KCNC2: variants seen among roughly 807,000 people sequenced by gnomAD.
The protein encoded by KCNC2 is potassium voltage-gated channel subfamily C member 2, also known as voltage-gated potassium channel KCNC2.
Under a neutral mutation model 44.5 loss-of-function variants are expected in KCNC2, and 21 were observed. That is an observed-to-expected ratio of 0.47 (90% CI 0.33 to 0.68). KCNC2 has a LOEUF of 0.68. Among genes scored for constraint, KCNC2 ranks in the 30% least tolerant of loss-of-function variants. The pLI is 0.01. For missense variants in KCNC2, 589 were observed against 826.2 expected (o/e 0.71, Z 3.52); for synonymous variants, 391 against 339.1 (o/e 1.15, Z -1.68).
At chr12:75,100,546 T>G (rs1419251480) in intron 2 of KCNC2, among the ~76,000 whole-genome samples, 5 of 143,730 alleles carry the variant, frequency 3.5e-5, no homozygotes, top group Non-Finnish European at 6.0e-5. Flanking sequence ...ATCTTAAAAT[T>G]TTATAAACCT....
intron 2 of KCNC2, chr12:75,140,310 A>AGTCCAGG (rs773830930): frequency 7.2e-5 from 11 of 152,164 alleles, no homozygotes; most frequent in African/African-American, 2.7e-4. Context: ...CCAAAAAAAA[A>AGTCCAGG]ATCATTAGAC....
chr12:75,174,096 GATTTA>G (rs1374304522), intron 2 of KCNC2, among the ~76,000 whole-genome samples: 7 of 149,614 alleles, frequency 4.7e-5, no homozygotes, highest in African/African-American at 1.7e-4. Context: ...TATGAATTTT[GATTTA>G]ATTTAAGTTA....
At position 75,068,048 on chromosome 12, in the gene KCNC2, G is replaced by C. The variant is rs181778214; in HGVS notation, c.688-16731C>G. The stretch of plus-strand genomic sequence containing the variant: ...TCCAGGGAAGGAAACATTTGTAAAA[G>C]GTACAGTGTTGTAAAAGACTCTAAT... On this transcript the variant is annotated intron_variant, in intron 2 of 4. Transcript: ENST00000549446. Among the ~76,000 whole-genome samples the C allele has an allele frequency of 5.6e-3, 858 of 152,230 alleles. 22 individuals are homozygous for C. The highest frequency in any genetic ancestry group is 2.1e-3 in the South Asian group (10 of 4,816).
Position 75,041,672 on chromosome 12 carries a change from G to A in KCNC2, c.*1433C>T. On this transcript the variant is annotated 3_prime_UTR_variant, in exon 5 of 5. Transcript: ENST00000549446. ...TCCCTAAGGATTTTGTTGGAGTGTAGTAATGAATGCTGGTTGCTAGGTAGT... is the reference window on the plus strand; with the variant it reads ...TCCCTAAGGATTTTGTTGGAGTGTAATAATGAATGCTGGTTGCTAGGTAGT... 1.0e-6 allele frequency: 1 copy of A among 1,004,334 alleles called. No homozygotes were observed. Among genetic ancestry groups the A allele is most frequent in the Non-Finnish European group, 1.2e-6 (1 of 840,412 alleles). The allele number at this position is 1,004,334 out of a possible 1,614,324, so 62.2% of individuals were successfully genotyped here.
chr12:75,137,988 CA>C (rs1008724810), intron 2 of KCNC2, among the ~76,000 whole-genome samples: 3 of 152,128 alleles, frequency 2.0e-5, no homozygotes, highest in African/African-American at 7.2e-5. Flanking sequence ...TCTGAAAGCC[CA>C]CCATGGGAAT....
intron 2 of KCNC2, among the ~76,000 whole-genome samples, chr12:75,133,766 T>C (rs1190570761): frequency 6.6e-6 from 1 of 152,008 alleles, no homozygotes; most frequent in Non-Finnish European, 1.5e-5. Context: ...TGTAATTCAT[T>C]CTTTGATGAG....
At chr12:75,191,184 G>T (rs2030172766) in intron 2 of KCNC2, among the ~76,000 whole-genome samples, 1 of 151,670 alleles carries the variant, frequency 6.6e-6, no homozygotes, top group Non-Finnish European at 1.5e-5. Context: ...TACTTTTTGA[G>T]ATCTAAAACC....
chr12:75,108,369 G>A (rs1022332412), intron 2 of KCNC2, among the ~76,000 whole-genome samples: 2 of 152,100 alleles, frequency 1.3e-5, no homozygotes, highest in Admixed American at 1.3e-4. Context: ...TGTAGGCAAG[G>A]GGTCTGCAAC....
At chr12:75,170,893 A>C (rs951068163) in intron 2 of KCNC2, among the ~76,000 whole-genome samples, 1 of 151,706 alleles carries the variant, frequency 6.6e-6, no homozygotes, top group Non-Finnish European at 1.5e-5. Context: ...CTGCATACTC[A>C]TTTGGGGGCG....
At chr12:75,185,424 T>A in intron 2 of KCNC2, among the ~76,000 whole-genome samples, 1 of 152,138 alleles carries the variant, frequency 6.6e-6, no homozygotes, top group East Asian at 1.9e-4. Flanking sequence ...CATGGGCGCA[T>A]GACCTGCATG....
intron 2 of KCNC2, among the ~76,000 whole-genome samples, chr12:75,122,547 A>T (rs1888119013): frequency 6.6e-6 from 1 of 152,214 alleles, no homozygotes. Flanking sequence ...ATTTAAGATA[A>T]GGAAAGTAGA....
intron 2 of KCNC2, among the ~76,000 whole-genome samples, chr12:75,165,174 G>A (rs369384230): frequency 5.9e-5 from 9 of 151,550 alleles, no homozygotes; most frequent in East Asian, 2.0e-4. Flanking sequence ...AAGTGTTTAC[G>A]ATATCTAATT....
intron 2 of KCNC2, among the ~76,000 whole-genome samples, chr12:75,102,601 A>G (rs1450495776): frequency 2.6e-5 from 4 of 152,118 alleles, no homozygotes; most frequent in African/African-American, 7.2e-5. Flanking sequence ...GGCAAGCAAC[A>G]TTCTTAATTA....
intron 2 of KCNC2, among the ~76,000 whole-genome samples, chr12:75,087,269 A>G (rs1353134282): frequency 6.6e-6 from 1 of 152,134 alleles, no homozygotes; most frequent in Non-Finnish European, 1.5e-5. Flanking sequence ...CTCAGAACTC[A>G]TTGAAAGCAG....
At position 75,071,289 on chromosome 12, in the gene KCNC2, C is replaced by G. The variant is rs141241686; in HGVS notation, c.688-19972G>C. 1.5e-3 allele frequency among the ~76,000 whole-genome samples: 222 copies of G among 152,142 alleles called. 1 individual carries two copies. The highest frequency in any genetic ancestry group is 5.0e-3 in the African/African-American group (208 of 41,528). On this transcript the variant is annotated intron_variant, in intron 2 of 4. Transcript: ENST00000549446. ...AATTAAAAAAAACCCTACATGACAG[C>G]CTTACTTATTTATTGAAGATAAATC...
At chr12:75,106,639 A>T (rs927060639) in intron 2 of KCNC2, among the ~76,000 whole-genome samples, 1 of 152,186 alleles carries the variant, frequency 6.6e-6, no homozygotes, top group African/African-American at 2.4e-5. Context: ...TTTCTTCCAG[A>T]TTGATACTAT....
intron 2 of KCNC2, among the ~76,000 whole-genome samples, chr12:75,099,299 T>C (rs1300712928): frequency 6.6e-6 from 1 of 152,156 alleles, no homozygotes. Context: ...CTCAACTGTA[T>C]AATGCATTCA....
At chr12:75,105,619 T>C (rs1338789080) in intron 2 of KCNC2, among the ~76,000 whole-genome samples, 2 of 152,146 alleles carry the variant, frequency 1.3e-5, no homozygotes, top group Non-Finnish European at 2.9e-5. Flanking sequence ...TTTCAAGGCA[T>C]AGAAACAGAA....
chr12:75,185,042 G>T (rs1892842000), intron 2 of KCNC2, among the ~76,000 whole-genome samples: 1 of 152,136 alleles, frequency 6.6e-6, no homozygotes, highest in African/African-American at 2.4e-5. Context: ...AACGCAGAAT[G>T]AAATTTAAAA....
Sources: allele counts gnomAD v4.1 joint callset (sites outside exome capture counted in the v4.1 genomes callset), GRCh38; gene constraint gnomAD v4.1.1; transcripts MANE v1.5; gene names NCBI Gene and HGNC (gene_info 2026-07-23, HGNC 2026-07-21).